The following TOX2 variants were observed in gnomAD, a reference collection of about 807,000 sequenced individuals.
TOX2 encodes TOX high mobility group box family member 2, also known as granulosa cell HMG box 1.
Under a neutral mutation model 47.4 loss-of-function variants are expected in TOX2, and 15 were observed. The ratio of observed to expected loss-of-function variants is 0.32; its 90% CI spans 0.21 to 0.49. The LOEUF (loss-of-function observed/expected upper bound fraction) is 0.49, where lower values mean the gene tolerates loss of function less well. Ranked by LOEUF, TOX2 falls within the 20% of genes least tolerant of loss-of-function variation. TOX2 has a pLI of 0.99. For synonymous variants in TOX2, 290 were observed against 296.6 expected (o/e 0.98, Z 0.23); for missense variants, 622 against 673.1 (o/e 0.92, Z 0.84).
intron 3 of TOX2, among the ~76,000 whole-genome samples, chr20:44,014,160 AAG>A (rs1172214912): frequency 1.3e-5 from 2 of 151,034 alleles, no homozygotes; most frequent in African/African-American, 4.9e-5. Flanking sequence ...AAAAAAGGAA[AAG>A]AGAGATGTGT....
intron 3 of TOX2, among the ~76,000 whole-genome samples, chr20:44,026,209 G>T (rs192582413): frequency 1.1e-5 from 1 of 91,520 alleles, no homozygotes; most frequent in Non-Finnish European, 2.2e-5. Flanking sequence ...CCCATCGATC[G>T]AGTGGATAAA....
Position 44,006,557 on chromosome 20 carries a change from G to T in TOX2, c.176G>T (p.Gly59Val), listed in dbSNP as rs868673514. The T allele has an allele frequency of 1.2e-6, 2 of 1,612,708 alleles. No homozygotes were observed. The highest frequency in any genetic ancestry group is 1.7e-6 in the Non-Finnish European group (2 of 1,179,806). ...ELLSTSQTYN[G>V]QSENNEDYEI... is the part of the protein sequence containing the mutation. ...TTTTTGATGTTTTAGACCTACAACGGCCAGAGCGAGAACAACGAAGACTAT... is the reference window on the plus strand; with the variant it reads ...TTTTTGATGTTTTAGACCTACAACGTCCAGAGCGAGAACAACGAAGACTAT... Residue 59 changes from glycine to valine, a missense_variant, in exon 3 of 9, where the codon GGC becomes GTC. This residue lies in a region of TOX2 where 307 missense variants were observed against 327.3 expected (regional missense o/e 0.94). Transcript: ENST00000341197.
At chr20:44,060,367 A>T (rs187163230) in intron 5 of TOX2, among the ~76,000 whole-genome samples, 15 of 152,288 alleles carry the variant, frequency 9.8e-5, no homozygotes, top group Non-Finnish European at 1.6e-4. Flanking sequence ...GTCAACAAAG[A>T]AACAATGAAC....
At chr20:43,917,083 G>A (rs1293391167) in intron 1 of TOX2, among the ~76,000 whole-genome samples, 1 of 152,208 alleles carries the variant, frequency 6.6e-6, no homozygotes, top group Non-Finnish European at 1.5e-5. Flanking sequence ...TGGGGATGCA[G>A]CTGAGCCACT....
intron 2 of TOX2, among the ~76,000 whole-genome samples, chr20:43,994,458 C>CCAAAAA (rs2070430758): frequency 1.7e-5 from 1 of 58,592 alleles, no homozygotes; most frequent in Non-Finnish European, 3.7e-5. Context: ...GACCCTGTCT[C>CCAAAAA]CAAAAAAAAA....
At chr20:44,029,132 TG>T (rs1478975966) in intron 3 of TOX2, among the ~76,000 whole-genome samples, 1 of 152,256 alleles carries the variant, frequency 6.6e-6, no homozygotes, top group Non-Finnish European at 1.5e-5. Flanking sequence ...ACCGCGCTGA[TG>T]CTGAACAGCA....
chr20:43,956,376 C>T (rs1033342031), intron 1 of TOX2, among the ~76,000 whole-genome samples: 4 of 152,074 alleles, frequency 2.6e-5, no homozygotes, highest in Non-Finnish European at 4.4e-5. Context: ...GCCTGGCCAA[C>T]ATGATGAAAC....
intron 1 of TOX2, among the ~76,000 whole-genome samples, chr20:43,960,804 C>G (rs2069745506): frequency 6.6e-6 from 1 of 152,242 alleles, no homozygotes; most frequent in South Asian, 2.1e-4. Flanking sequence ...TGTCAGCATG[C>G]CTTGGTCACC....
rs918013074 is a variant in TOX2 at position 44,038,988 on chromosome 20, G to A, written c.412-12318G>A. 2.4e-5 allele frequency: 29 copies of A among 1,195,238 alleles called. No individual in the cohort carries two copies. The African/African-American group carries it at 4.0e-4, about 16-fold the overall frequency. The allele number at this position is 1,195,238 out of a possible 1,614,324, so 74.0% of individuals were successfully genotyped here. A position where few individuals can be genotyped will look rare whatever the true frequency, so the allele number is the denominator to read the frequency against. ...CCTGGGGCGGGTGCAGATGTGGCTC[G>A]GGAGCGTGGCCATATGTTTCCAAGA... On this transcript the variant is annotated intron_variant, in intron 3 of 8. Coordinates refer to ENST00000341197, the MANE Select transcript of TOX2 (RefSeq NM_001098797.2).
intron 3 of TOX2, 46 bp downstream of exon 3, chr20:44,006,838 A>G (rs745660938): frequency 1.3e-6 from 2 of 1,588,240 alleles, no homozygotes; most frequent in Non-Finnish European, 1.7e-6. Flanking sequence ...GACAGCAGGG[A>G]GGGGGTTGAG....
intron 3 of TOX2, among the ~76,000 whole-genome samples, chr20:44,025,338 C>T (rs1284396498): frequency 2.0e-5 from 3 of 150,840 alleles, no homozygotes; most frequent in Non-Finnish European, 4.4e-5. Flanking sequence ...CCTTTGCACC[C>T]CCATGTCCAT....
chr20:43,998,909 G>A (rs551584583), intron 2 of TOX2, among the ~76,000 whole-genome samples: 2 of 152,192 alleles, frequency 1.3e-5, no homozygotes, highest in South Asian at 2.1e-4. Flanking sequence ...ACAGGCACTC[G>A]CCACCATGTC....
intron 1 of TOX2, among the ~76,000 whole-genome samples, chr20:43,920,867 G>A (rs2069105955): frequency 6.6e-6 from 1 of 152,322 alleles, no homozygotes; most frequent in South Asian, 2.1e-4. Flanking sequence ...TGGGAATGGT[G>A]CTTTTTGAGG....
intron 6 of TOX2, 143 bp downstream of exon 6, chr20:44,065,000 CA>C: frequency 1.5e-6 from 1 of 688,904 alleles, no homozygotes; most frequent in Non-Finnish European, 2.4e-6. Context: ...GTCTGCAGGG[CA>C]CCTACAGCAT....
chr20:43,953,367 C>A (rs1336579321), intron 1 of TOX2, among the ~76,000 whole-genome samples: 2 of 152,186 alleles, frequency 1.3e-5, no homozygotes, highest in East Asian at 1.9e-4. Flanking sequence ...ACAGAACTGA[C>A]CCCTTCCTCC....
Position 43,932,311 on chromosome 20 carries a change from T to G in TOX2, c.99+17321T>G, listed in dbSNP as rs2069261818. Among the ~76,000 whole-genome samples, 9 of 152,252 alleles carry G rather than the reference T, an allele frequency of 5.9e-5. No homozygotes were observed. In the South Asian group the frequency reaches 1.9e-3, roughly 32 times the overall value. ...ATATCTCTTGCCAAATCTGCCTTCATTTAGGGTCTAGCATGTGGACCCTGA... is the reference window on the plus strand; with the variant it reads ...ATATCTCTTGCCAAATCTGCCTTCAGTTAGGGTCTAGCATGTGGACCCTGA... On this transcript the variant is annotated intron_variant, in intron 1 of 8. Coordinates refer to ENST00000341197, the MANE Select transcript of TOX2 (RefSeq NM_001098797.2).
intron 2 of TOX2, among the ~76,000 whole-genome samples, chr20:44,004,507 G>C (rs2070643202): frequency 6.6e-6 from 1 of 152,208 alleles, no homozygotes; most frequent in Non-Finnish European, 1.5e-5. Context: ...GCCCTGCAGA[G>C]GGAGGAAATG....
At chr20:43,941,956 G>A (rs1228823364) in intron 1 of TOX2, among the ~76,000 whole-genome samples, 1 of 152,172 alleles carries the variant, frequency 6.6e-6, no homozygotes, top group Non-Finnish European at 1.5e-5. Flanking sequence ...AAAATCAAAG[G>A]ACAAAGCTTA....
chr20:44,034,568 G>GA lies in TOX2; in HGVS notation c.412-16737dup, dbSNP rs770116078. Among the ~76,000 whole-genome samples the GA allele has an allele frequency of 2.0e-5, 3 of 152,206 alleles. No homozygotes were observed. The East Asian group carries it at 5.8e-4, about 29-fold the overall frequency. ...CAGCTCAAGACAGAGGCCTGCAGAG[G>GA]ATGTGAGAAAGAGGCTCGAGGCAGT... On this transcript the variant is annotated intron_variant, in intron 3 of 8. Transcript: ENST00000341197.
Sources: allele counts gnomAD v4.1 joint callset (sites outside exome capture counted in the v4.1 genomes callset), GRCh38; gene constraint gnomAD v4.1.1; regional missense constraint gnomAD v4.1.1; transcripts MANE v1.5; gene names NCBI Gene and HGNC (gene_info 2026-07-23, HGNC 2026-07-21).